Variants in UNKL observed in about 807,000 individuals in gnomAD.
The protein encoded by UNKL is unk like zinc finger, also known as putative E3 ubiquitin-protein ligase UNKL.
UNKL carries 60 observed loss-of-function variants against 78.0 expected under a neutral mutation model. The observed-to-expected ratio is 0.77, with a 90% CI of 0.63 to 0.95. UNKL has a LOEUF of 0.95. Ranked by LOEUF, UNKL falls within the 40% of genes least tolerant of loss-of-function variation. UNKL has a pLI of 0.00. For missense variants in UNKL, 1,159 were observed against 1,045.7 expected, an observed-to-expected ratio of 1.11 and a Z score of -1.49; for synonymous variants, 608 against 474.8, an observed-to-expected ratio of 1.28 and a Z score of -3.65.
At position 1,367,652 on chromosome 16, in the gene UNKL, T is replaced by A. The variant is rs2035414413; in HGVS notation, c.1788+4A>T. 5.3e-6 allele frequency: 7 copies of A among 1,324,984 alleles called. No homozygotes were observed. Among genetic ancestry groups the A allele is most frequent in the South Asian group, 1.2e-5 (1 of 81,070 alleles). The allele number at this position is 1,324,984 out of a possible 1,614,324, so 82.1% of individuals were successfully genotyped here. A position where few individuals can be genotyped will look rare whatever the true frequency, so the allele number is the denominator to read the frequency against. The stretch of plus-strand genomic sequence containing the variant: ...TCACCTGTCTGGCCCCCCCACACAC[T>A]CACCTGCTTCACCTGCTGCCAGGAC... On this transcript the variant is annotated splice_donor_region_variant and intron_variant, in intron 13 of 14. Coordinates refer to ENST00000389221, the MANE Select transcript of UNKL (RefSeq NM_001372107.1).
rs111766606 is a variant in UNKL, at chr16:1,394,909, G to A, written c.853-694C>T. Among the ~76,000 whole-genome samples, 257 of 152,254 alleles carry A rather than the reference G, an allele frequency of 1.7e-3. 2 individuals are homozygous for A. The highest frequency in any genetic ancestry group is 5.3e-3 in the African/African-American group (222 of 41,542). On this transcript the variant is annotated intron_variant, in intron 6 of 14. Coordinates refer to ENST00000389221, the MANE Select transcript of UNKL (RefSeq NM_001372107.1). ...TGTTTGTTTTTTGAGAGAGAGTCTC[G>A]CTCTGTCACCCAGGCTGGAGTGCAG...
At chr16:1,382,552 T>C (rs1270831334) in intron 10 of UNKL, among the ~76,000 whole-genome samples, 1 of 152,138 alleles carries the variant, frequency 6.6e-6, no homozygotes, top group Non-Finnish European at 1.5e-5. Context: ...TGGCCCTGGA[T>C]TCTGGAGGGT....
intron 3 of UNKL, among the ~76,000 whole-genome samples, chr16:1,402,472 C>T (rs1399119724): frequency 6.6e-6 from 1 of 152,074 alleles, no homozygotes; most frequent in Non-Finnish European, 1.5e-5. Context: ...ACCATCCTGG[C>T]TAACACAGTA....
At position 1,397,168 on chromosome 16, in the gene UNKL, A is replaced by C. The variant is rs950213186; in HGVS notation, c.852+10T>G. 4 of 1,547,074 alleles carry C rather than the reference A, an allele frequency of 2.6e-6. No individual in the cohort carries two copies. The East Asian group carries it at 9.8e-5, about 38-fold the overall frequency. ...GCGACCCCTACGCCTGGGGGGTTGG[A>C]GGGACGTACCTCGGGATGGAACTGC... is the stretch of plus-strand genomic sequence containing the variant. On this transcript the variant is annotated intron_variant, in intron 6 of 14. Transcript: ENST00000389221.
At chr16:1,385,187 G>A in intron 10 of UNKL, 21 bp downstream of exon 10, 2 of 1,249,406 alleles carry the variant, frequency 1.6e-6, no homozygotes, top group Non-Finnish European at 2.0e-6. Context: ...CAGGGAGAAA[G>A]GAGGACGGTG....
At chr16:1,370,081 C>T in intron 12 of UNKL, 49 bp downstream of exon 12, 3 of 1,546,288 alleles carry the variant, frequency 1.9e-6, no homozygotes, top group Non-Finnish European at 2.6e-6. Flanking sequence ...GGGAGGGAGC[C>T]CCACGGAGGC....
At chr16:1,414,448 C>T (rs2038187256) in intron 1 of UNKL, among the ~76,000 whole-genome samples, 167 bp downstream of exon 1, 1 of 151,664 alleles carries the variant, frequency 6.6e-6, no homozygotes, top group East Asian at 1.9e-4. Context: ...CGCCGCGCTC[C>T]GACCTCAGGC....
In UNKL at chr16:1,397,235, A is replaced by G. The variant is rs1172494031; in HGVS notation, c.795T>C (p.Asp265=). ...GGCAATACTGGCAGCCGTCGCCGCC[A>G]TCGCAGCGTGAGGGTTCCCCCCACT... ...GDEWGEPSRC[D]GGDGCQYCHS... The change falls in exon 6 of 15, where the codon GAT becomes GAC. Residue 265 remains aspartate (D), a synonymous_variant. Coordinates refer to ENST00000389221, the MANE Select transcript of UNKL (RefSeq NM_001372107.1). The G allele has an allele frequency of 6.5e-7, 1 of 1,544,258 alleles. No individual in the cohort carries two copies.
chr16:1,375,969 C>T (rs1218686232), intron 10 of UNKL, among the ~76,000 whole-genome samples: 1 of 152,210 alleles, frequency 6.6e-6, no homozygotes, highest in Non-Finnish European at 1.5e-5. Flanking sequence ...GCAGCAGAGC[C>T]GAGACACTGC....
intron 6 of UNKL, 130 bp downstream of exon 6, chr16:1,397,048 T>G: frequency 9.9e-7 from 1 of 1,009,106 alleles, no homozygotes; most frequent in Non-Finnish European, 1.5e-6. Context: ...ACCCCCAGGC[T>G]TCCCGACCTG....
intron 6 of UNKL, chr16:1,395,663 G>A (rs1215865001): frequency 4.4e-6 from 2 of 454,740 alleles, no homozygotes; most frequent in Non-Finnish European, 4.4e-6. Flanking sequence ...GGCCCAGGCG[G>A]GAGGGTTTAT....
chr16:1,376,408 T>G (rs960253567), intron 10 of UNKL, among the ~76,000 whole-genome samples: 2 of 141,978 alleles, frequency 1.4e-5, no homozygotes, highest in African/African-American at 2.7e-5. Flanking sequence ...TCCTCCCTCC[T>G]CTGAGGGCTT....
intron 13 of UNKL, 99 bp downstream of exon 13, chr16:1,367,557 G>GCCCTCCCT (rs371238450): frequency 2.9e-4 from 113 of 386,196 alleles, no homozygotes; most frequent in East Asian, 2.0e-3. Flanking sequence ...GTCACCTGCG[G>GCCCTCCCT]CCCTCCCTCC....
At chr16:1,390,763 A>G in intron 8 of UNKL, 69 bp from the exon 9 acceptor site, 1 of 1,512,748 alleles carries the variant, frequency 6.6e-7, no homozygotes, top group Non-Finnish European at 8.9e-7. Flanking sequence ...CATACAATTC[A>G]GGCTGGGCAC....
At position 1,367,174 on chromosome 16, in the gene UNKL, C is replaced by T. The variant is rs372155593; in HGVS notation, c.1964G>A (p.Cys655Tyr). Residue 655 changes from cysteine to tyrosine, a missense_variant, in exon 14 of 15, where the codon TGT becomes TAT. Coordinates refer to ENST00000389221, the MANE Select transcript of UNKL (RefSeq NM_001372107.1). ...CAGGGGAATGGTGCCGATGTCCCCACAGCCCCGCAGCCCCGGCAGTGTGGA... is the reference window on the plus strand; with the variant it reads ...CAGGGGAATGGTGCCGATGTCCCCATAGCCCCGCAGCCCCGGCAGTGTGGA... ...VASTLPGLRG[C>Y]GDIGTIPLPK... 9.3e-6 allele frequency: 15 copies of T among 1,605,622 alleles called. No homozygotes were observed. In the East Asian group the frequency reaches 1.1e-4, roughly 12 times the overall value.
intron 5 of UNKL, chr16:1,398,679 G>GCGCGCC: frequency 7.4e-7 from 1 of 1,356,376 alleles, no homozygotes; most frequent in Non-Finnish European, 9.5e-7. Flanking sequence ...TGTGGGGTCT[G>GCGCGCC]CACCCCCCCA....
chr16:1,395,367 T>C (rs1011567717), intron 6 of UNKL, among the ~76,000 whole-genome samples: 5 of 152,204 alleles, frequency 3.3e-5, no homozygotes, highest in African/African-American at 9.6e-5. Flanking sequence ...GGGTTCACCA[T>C]GTTGGCCAGG....
intron 11 of UNKL, 81 bp downstream of exon 11, chr16:1,371,438 G>A (rs563039537): frequency 1.6e-5 from 23 of 1,410,222 alleles, no homozygotes; most frequent in African/African-American, 1.3e-4. Context: ...TGACCTCCCC[G>A]GGCTCAAGCG....
intron 10 of UNKL, 92 bp from the exon 11 acceptor site, chr16:1,371,703 T>TA: frequency 7.5e-7 from 1 of 1,340,056 alleles, no homozygotes; most frequent in Non-Finnish European, 1.0e-6. Flanking sequence ...CACCTGGGCT[T>TA]AGAGTGAGAC....
Sources: gnomAD v4.1 joint callset for allele counts (sites outside exome capture counted in the v4.1 genomes callset) on GRCh38, gnomAD v4.1.1 for gene constraint, MANE v1.5 for transcripts, NCBI Gene and HGNC (gene_info 2026-07-23, HGNC 2026-07-21) for gene names.